The following CTBP2 variants were observed in gnomAD, a reference collection of about 807,000 sequenced individuals.
The protein encoded by CTBP2 is C-terminal binding protein 2.
A neutral mutation model predicts 80.3 loss-of-function variants in CTBP2; 30 were observed. The ratio of observed to expected loss-of-function variants is 0.37; its 90% CI spans 0.28 to 0.51. The LOEUF (loss-of-function observed/expected upper bound fraction) is 0.51. CTBP2 is among the 20% of genes least tolerant of loss of function. The pLI, the probability that CTBP2 is intolerant of heterozygous loss-of-function variation, is 0.93. For synonymous variants in CTBP2, 594 were observed against 587.4 expected, an observed-to-expected ratio of 1.01 and a Z score of -0.16; for missense variants, 1,212 against 1,375.3, an observed-to-expected ratio of 0.88 and a Z score of 1.88.
At position 125,026,074 on chromosome 10, in the gene CTBP2, T is replaced by A. The variant is rs1957507035; in HGVS notation, c.1678+8A>T. ...CCCCAGGCAGGGCAGGCGGGGAGGA[T>A]GTATTACTTGGTTCTGGTGCAAGCA... On this transcript the variant is annotated splice_region_variant and intron_variant, in intron 1 of 8. Coordinates refer to ENST00000309035, the MANE Select transcript of CTBP2 (RefSeq NM_022802.3). The A allele has an allele frequency of 1.9e-6, 3 of 1,549,226 alleles. No homozygotes were observed. The highest frequency in any genetic ancestry group is 2.6e-6 in the Non-Finnish European group (3 of 1,142,280).
At chr10:125,006,092 C>G (rs932170443) in intron 1 of CTBP2, 8 of 1,064,968 alleles carry the variant, frequency 7.5e-6, no homozygotes, top group African/African-American at 1.6e-5. Flanking sequence ...GCGATCGGCT[C>G]CCTCCCCGAC....
chr10:124,998,094 C>T lies in CTBP2; in HGVS notation c.2055G>A (p.Leu685=), dbSNP rs757402519. Residue 685 remains leucine, a synonymous_variant, in exon 4 of 9, where the codon CTG becomes CTA. Coordinates refer to ENST00000309035, the MANE Select transcript of CTBP2 (RefSeq NM_022802.3). ...GGTACAGCCACGTGTTCCTCCGGTA[C>T]AGGTTGAGGATGTGGCAGATGGTAG... is the stretch of plus-strand genomic sequence containing the variant. 3.7e-6 allele frequency: 6 copies of T among 1,612,838 alleles called. No individual in the cohort carries two copies. Among genetic ancestry groups the T allele is most frequent in the Non-Finnish European group, 5.1e-6 (6 of 1,179,714 alleles).
chr10:125,045,423 C>CT (rs1398600698), intron 2 of CTBP2, among the ~76,000 whole-genome samples: 1 of 151,010 alleles, frequency 6.6e-6, no homozygotes, highest in African/African-American at 2.4e-5. Flanking sequence ...AAGAGGGTGT[C>CT]TGACTTCCTA....
intron 2 of CTBP2, among the ~76,000 whole-genome samples, chr10:125,100,374 AAGTT>A (rs1850427831): frequency 6.6e-6 from 1 of 152,194 alleles, no homozygotes; most frequent in South Asian, 2.1e-4. Context: ...CTGGTAAGGG[AAGTT>A]CTACCATCTG....
intron 1 of CTBP2, among the ~76,000 whole-genome samples, chr10:125,127,165 C>T (rs1855422807): frequency 6.6e-6 from 1 of 152,212 alleles, no homozygotes; most frequent in Non-Finnish European, 1.5e-5. Flanking sequence ...ACTCCAGAGG[C>T]TCCTTACCAC....
chr10:125,155,827 G>A (rs1213154947), intron 1 of CTBP2, among the ~76,000 whole-genome samples: 2 of 152,076 alleles, frequency 1.3e-5, no homozygotes, highest in Non-Finnish European at 2.9e-5. Context: ...ACTTTAACTT[G>A]CAGCAGCGTA....
chr10:125,113,491 T>C (rs1373798501), intron 1 of CTBP2, among the ~76,000 whole-genome samples: 2 of 152,258 alleles, frequency 1.3e-5, no homozygotes, highest in Non-Finnish European at 2.9e-5. Context: ...CTGATTAGTG[T>C]TGCTTGTCTT....
At chr10:125,126,735 AC>A (rs5788695) in intron 1 of CTBP2, among the ~76,000 whole-genome samples, 35,335 of 151,414 alleles carry the variant, frequency 0.23, 4,115 homozygotes, top group African/African-American at 0.26. Context: ...TCTGATCACC[AC>A]CCCCCGCTAT....
chr10:125,098,728 GAGAGAGAGAGAGAGAGAGAGAC>G (rs1850076070), intron 2 of CTBP2, among the ~76,000 whole-genome samples: 46 of 127,300 alleles, frequency 3.6e-4, no homozygotes, highest in South Asian at 1.1e-3. Context: ...GAGAGACAGA[GAGAGAGAGAGAGAGAGAGAGAC>G]AGAGAGAGAG....
intron 3 of CTBP2, among the ~76,000 whole-genome samples, chr10:125,034,917 G>A (rs559706057): frequency 1.3e-5 from 2 of 152,318 alleles, no homozygotes; most frequent in African/African-American, 4.8e-5. Context: ...CTGGAAGAAG[G>A]AAAGAGCCAG....
At chr10:125,044,520 T>C (rs181593710) in intron 2 of CTBP2, among the ~76,000 whole-genome samples, 2 of 152,386 alleles carry the variant, frequency 1.3e-5, no homozygotes, top group Admixed American at 6.5e-5. Flanking sequence ...GTGCAACAGA[T>C]GTCTTTCTTA....
At chr10:125,103,045 C>T (rs76827468) in intron 2 of CTBP2, among the ~76,000 whole-genome samples, 3,085 of 152,262 alleles carry the variant, frequency 0.02, 117 homozygotes, top group African/African-American at 0.07. Context: ...AAAGGAGAGG[C>T]GGGGGCATGA....
intron 2 of CTBP2, among the ~76,000 whole-genome samples, chr10:125,106,644 G>A (rs1347334245): frequency 1.3e-5 from 2 of 152,226 alleles, no homozygotes; most frequent in Non-Finnish European, 2.9e-5. Flanking sequence ...AGGCAAGTGT[G>A]CCCACCATCC....
At chr10:125,114,167 CACT>C (rs1247743466) in intron 1 of CTBP2, among the ~76,000 whole-genome samples, 1 of 152,130 alleles carries the variant, frequency 6.6e-6, no homozygotes, top group Admixed American at 6.5e-5. Context: ...TTAAAATCAC[CACT>C]ACTTCTGAAC....
Position 124,989,259 on chromosome 10 carries a change from T to G in CTBP2, c.*259A>C. On this transcript the variant is annotated 3_prime_UTR_variant, in exon 9 of 9. Coordinates refer to ENST00000309035, the MANE Select transcript of CTBP2 (RefSeq NM_022802.3). ...AAGCTCTATTTATTCTTTTTGTGAT[T>G]TGATGCACAGATGAAAAACTTAACA... 6.0e-6 allele frequency: 3 copies of G among 497,618 alleles called. No homozygotes were observed. The highest frequency in any genetic ancestry group is 1.1e-5 in the Non-Finnish European group (3 of 275,580). The allele number at this position is 497,618 out of a possible 1,614,324, so 30.8% of individuals were successfully genotyped here.
chr10:125,021,830 G>A (rs1003785881), intron 1 of CTBP2, among the ~76,000 whole-genome samples: 4 of 152,222 alleles, frequency 2.6e-5, no homozygotes, highest in Admixed American at 2.6e-4. Context: ...GCTCACTGAT[G>A]TCGGGTGTGT....
At position 125,028,015 on chromosome 10, in the gene CTBP2, T is replaced by C. The variant is rs1411302895; in HGVS notation, c.-256A>G. 1 of 1,006,268 alleles carries C rather than the reference T, an allele frequency of 9.9e-7. No homozygotes were observed. The highest frequency in any genetic ancestry group is 4.0e-5 in the East Asian group (1 of 25,294). 62.3% of individuals were successfully genotyped at this position (1,006,268 alleles called of 1,614,324 possible). ...GAGAGGTCTGTTCCTTACAGCTCAG[T>C]CCCGGAGAGGAGGCTGTCCCCAGCC... On this transcript the variant is annotated 5_prime_UTR_variant, in exon 1 of 9. Transcript: ENST00000309035.
rs1483229642 is a variant in CTBP2 at position 125,026,289 on chromosome 10, G to C, written c.1471C>G (p.Leu491Val). ...GCGGCCACGTTGCGCTCCCTCTTTA[G>C]CAGCTCCATGGGCACCGTGTATGCC... Residue 491 changes from leucine (L) to valine (V), a missense_variant, in exon 1 of 9, where the codon CTA becomes GTA. Coordinates refer to ENST00000309035, the MANE Select transcript of CTBP2 (RefSeq NM_022802.3). 1 of 1,613,936 alleles carries C rather than the reference G, an allele frequency of 6.2e-7. No individual in the cohort carries two copies. Among genetic ancestry groups the C allele is most frequent in the East Asian group, 2.2e-5 (1 of 44,856 alleles).
At chr10:125,108,353 G>T (rs1219455949) in intron 2 of CTBP2, among the ~76,000 whole-genome samples, 1 of 152,240 alleles carries the variant, frequency 6.6e-6, no homozygotes, top group Non-Finnish European at 1.5e-5. Flanking sequence ...CAAAAACGAT[G>T]TATAAATGGC....
Sources: allele counts gnomAD v4.1 joint callset (sites outside exome capture counted in the v4.1 genomes callset), GRCh38; gene constraint gnomAD v4.1.1; transcripts MANE v1.5; gene names NCBI Gene and HGNC (gene_info 2026-07-23, HGNC 2026-07-21).